PRTG: variants seen among roughly 807,000 people sequenced by gnomAD.
PRTG encodes protogenin, also known as immunoglobulin superfamily, DCC subclass, member 5.
Under a neutral mutation model 122.5 loss-of-function variants are expected in PRTG, and 67 were observed. The ratio of observed to expected loss-of-function variants is 0.55; its 90% CI spans 0.45 to 0.67. The LOEUF (loss-of-function observed/expected upper bound fraction) is 0.67, where lower values mean the gene tolerates loss of function less well. Ranked by LOEUF, PRTG falls within the 30% of genes least tolerant of loss-of-function variation. PRTG has a pLI of 0.00. For synonymous variants in PRTG, 554 were observed against 501.1 expected (o/e 1.11, Z -1.41); for missense variants, 1,435 against 1,415.4 (o/e 1.01, Z -0.22).
intron 15 of PRTG, among the ~76,000 whole-genome samples, chr15:55,636,587 G>A (rs777206171): frequency 1.4e-4 from 22 of 151,852 alleles, no homozygotes; most frequent in Admixed American, 7.2e-4. Flanking sequence ...GGACGACTAC[G>A]GTAATTTCCT....
At chr15:55,719,649 T>A (rs1182622548) in intron 2 of PRTG, among the ~76,000 whole-genome samples, 2 of 152,244 alleles carry the variant, frequency 1.3e-5, no homozygotes, top group African/African-American at 4.8e-5. Flanking sequence ...GGTATTATTT[T>A]ACTAAATCAT....
At chr15:55,638,234 A>T (rs1221994520) in intron 14 of PRTG, among the ~76,000 whole-genome samples, 1 of 152,214 alleles carries the variant, frequency 6.6e-6, no homozygotes, top group East Asian at 1.9e-4. Flanking sequence ...ATTAACAAAC[A>T]TATTATTCAC....
Position 55,637,323 on chromosome 15 carries a change from C to T in PRTG, c.2470G>A (p.Val824Ile), listed in dbSNP as rs371729881. ...TLPEAPAGPP[V>I]GVKVTLIEDD... ...TCTATTAATGTCACTTTTACTCCAA[C>T]TGGTGGGCCTGCTGGTGCTGTGCAG... Residue 824 changes from valine (V) to isoleucine (I), a missense_variant, in exon 15 of 20, where the codon GTT becomes ATT. Transcript: ENST00000389286. The T allele has an allele frequency of 6.2e-7, 1 of 1,612,104 alleles. No homozygotes were observed. The highest frequency in any genetic ancestry group is 1.3e-5 in the African/African-American group (1 of 74,832).
intron 2 of PRTG, among the ~76,000 whole-genome samples, chr15:55,712,617 AG>A (rs781185582): frequency 5.9e-5 from 9 of 152,214 alleles, no homozygotes; most frequent in Non-Finnish European, 1.2e-4. Flanking sequence ...GATAACTCAA[AG>A]GCCATGATGA....
At position 55,631,951 on chromosome 15, in the gene PRTG, T is replaced by C. The variant is rs530075801; in HGVS notation, c.2624-2947A>G. Among the ~76,000 whole-genome samples the C allele has an allele frequency of 5.9e-5, 9 of 152,310 alleles. No individual in the cohort carries two copies. The South Asian group carries it at 1.0e-3, about 18-fold the overall frequency. ...TTTTTTTCATATTTGGACCATAGTG[T>C]CCATTCAAATTATAAAAGCAAAAGA... is the stretch of plus-strand genomic sequence containing the variant. On this transcript the variant is annotated intron_variant, in intron 15 of 19. Coordinates refer to ENST00000389286, the MANE Select transcript of PRTG (RefSeq NM_173814.6).
At chr15:55,698,281 C>T (rs1474602767) in intron 2 of PRTG, among the ~76,000 whole-genome samples, 4 of 152,088 alleles carry the variant, frequency 2.6e-5, no homozygotes, top group Admixed American at 6.6e-5. Context: ...CTTTAGTTTT[C>T]CTTGAATGAC....
At chr15:55,644,147 C>T (rs2059307821) in intron 11 of PRTG, among the ~76,000 whole-genome samples, 1 of 152,156 alleles carries the variant, frequency 6.6e-6, no homozygotes, top group Admixed American at 6.5e-5. Flanking sequence ...CTGAAAAATA[C>T]TTCTTCATTC....
intron 2 of PRTG, among the ~76,000 whole-genome samples, chr15:55,712,994 A>AAT (rs1337365222): frequency 6.6e-6 from 1 of 152,198 alleles, no homozygotes; most frequent in East Asian, 1.9e-4. Context: ...TCAAATAATA[A>AAT]ATAGCACTTC....
intron 2 of PRTG, among the ~76,000 whole-genome samples, chr15:55,737,031 A>T (rs546940271): frequency 2.0e-5 from 3 of 152,342 alleles, no homozygotes; most frequent in Non-Finnish European, 4.4e-5. Context: ...CTATTTCAAC[A>T]TTAAGAATAC....
At chr15:55,738,894 A>AG (rs1446768908) in intron 2 of PRTG, among the ~76,000 whole-genome samples, 6 of 115,644 alleles carry the variant, frequency 5.2e-5, no homozygotes, top group South Asian at 3.2e-4. Flanking sequence ...AGACAGAGGA[A>AG]GGAAGGGGGA....
At chr15:55,722,493 T>C (rs2030862355) in intron 2 of PRTG, among the ~76,000 whole-genome samples, 1 of 152,212 alleles carries the variant, frequency 6.6e-6, no homozygotes, top group Non-Finnish European at 1.5e-5. Flanking sequence ...GCAAAGCATT[T>C]TCCTACGTGT....
chr15:55,643,670 C>T (rs564180261), intron 11 of PRTG, among the ~76,000 whole-genome samples: 3 of 151,780 alleles, frequency 2.0e-5, no homozygotes, highest in Admixed American at 6.6e-5. Flanking sequence ...GCTATCTGCC[C>T]GCCTTGGCCT....
At chr15:55,627,782 A>G (rs2059203876) in intron 16 of PRTG, among the ~76,000 whole-genome samples, 1 of 152,222 alleles carries the variant, frequency 6.6e-6, no homozygotes, top group Non-Finnish European at 1.5e-5. Context: ...TTAAAAGCAG[A>G]TCTGCATGTT....
intron 2 of PRTG, among the ~76,000 whole-genome samples, chr15:55,739,555 T>C (rs2031545020): frequency 6.6e-6 from 1 of 152,196 alleles, no homozygotes; most frequent in African/African-American, 2.4e-5. Flanking sequence ...GTTTTCGAGA[T>C]TTAGTCTGTT....
intron 2 of PRTG, among the ~76,000 whole-genome samples, chr15:55,733,520 A>C (rs1181812533): frequency 6.7e-6 from 1 of 150,338 alleles, no homozygotes; most frequent in Non-Finnish European, 1.5e-5. Flanking sequence ...CAAACAAAAA[A>C]AAAAAAAAAA....
Position 55,680,522 on chromosome 15 carries a change from A to T in PRTG, c.783T>A (p.Asn261Lys), listed in dbSNP as rs1263666157. The change falls in exon 5 of 20, where the codon AAT (asparagine) becomes AAA (lysine). Residue 261 changes from asparagine (N) to lysine (K), a missense_variant. By Grantham distance (94) the Asn-to-Lys change is moderately conservative. Coordinates refer to ENST00000389286, the MANE Select transcript of PRTG (RefSeq NM_173814.6). ...GGCTCCAAGAAATGATTGGTTTGGG[A>T]TTTCCTGTGGCCATGCATTCCAAAA... Reference protein sequence around the residue: ...TVVLECMATGNPKPIISWSRL... With the variant: ...TVVLECMATGKPKPIISWSRL... 3.8e-6 allele frequency: 6 copies of T among 1,599,732 alleles called. No homozygotes were observed. In the Admixed American group the frequency reaches 1.0e-4, roughly 27 times the overall value.
rs1196741737 is a variant in PRTG at position 55,615,860 on chromosome 15, C to T, written c.*4152G>A. ...AAAAAATAAATGATATTTTCAATTC[C>T]AAATTCTTGTGACACGATCTGAATT... On this transcript the variant is annotated 3_prime_UTR_variant, in exon 20 of 20. Coordinates refer to ENST00000389286, the MANE Select transcript of PRTG (RefSeq NM_173814.6). The T allele has an allele frequency of 6.6e-6, 1 of 152,022 alleles. No homozygotes were observed. The highest frequency in any genetic ancestry group is 1.5e-5 in the Non-Finnish European group (1 of 67,976). 9.4% of individuals were successfully genotyped at this position (152,022 alleles called of 1,614,324 possible). A position where few individuals can be genotyped will look rare whatever the true frequency, so the allele number is the denominator to read the frequency against.
At chr15:55,680,250 CAAAT>C in intron 5 of PRTG, 38 bp from the exon 6 acceptor site, 1 of 1,494,398 alleles carries the variant, frequency 6.7e-7, no homozygotes, top group Non-Finnish European at 9.3e-7. Context: ...AACAATGTAA[CAAAT>C]AACCTGAAAT....
intron 11 of PRTG, among the ~76,000 whole-genome samples, chr15:55,658,154 T>C (rs1189398961): frequency 6.6e-6 from 1 of 152,222 alleles, no homozygotes; most frequent in Non-Finnish European, 1.5e-5. Flanking sequence ...CAGGATGGTA[T>C]GGCTGTAGAC....
Sources: gnomAD v4.1 joint callset for allele counts (sites outside exome capture counted in the v4.1 genomes callset) on GRCh38, gnomAD v4.1.1 for gene constraint, MANE v1.5 for transcripts, NCBI Gene and HGNC (gene_info 2026-07-23, HGNC 2026-07-21) for gene names.